The following GNB5 variants were observed in gnomAD, a reference collection of about 807,000 sequenced individuals.
The protein encoded by GNB5 is guanine nucleotide-binding protein subunit beta-5.
Under a neutral mutation model 55.3 loss-of-function variants are expected in GNB5, and 37 were observed. The observed-to-expected ratio is 0.67, with a 90% CI of 0.51 to 0.88. The LOEUF (loss-of-function observed/expected upper bound fraction) is 0.88. Among genes scored for constraint, GNB5 ranks in the 40% least tolerant of loss-of-function variants. The pLI is 0.00. For synonymous variants in GNB5, 219 were observed against 198.5 expected, an observed-to-expected ratio of 1.10 and a Z score of -0.87; for missense variants, 476 against 515.3, an observed-to-expected ratio of 0.92 and a Z score of 0.74.
chr15:52,126,071 C>G lies in GNB5; in HGVS notation c.913-27G>C, dbSNP rs149586528. 4,925 of 1,132,104 alleles carry G rather than the reference C, an allele frequency of 4.4e-3. 110 individuals are homozygous for G. Among genetic ancestry groups the G allele is most frequent in the Admixed American group, 0.04 (2,182 of 54,072 alleles). The allele number at this position is 1,132,104 out of a possible 1,614,324, so 70.1% of individuals were successfully genotyped here. ...TGGGGAGCAAATAAATAAAGAAGCA[C>G]TTACTTCTGGCTTCAGTTTGGTGAC... On this transcript the variant is annotated intron_variant, in intron 10 of 12. Coordinates refer to ENST00000261837, the MANE Select transcript of GNB5 (RefSeq NM_016194.4).
intron 3 of GNB5, among the ~76,000 whole-genome samples, chr15:52,158,990 T>A (rs1328245834): frequency 1.3e-5 from 2 of 152,192 alleles, no homozygotes; most frequent in Non-Finnish European, 2.9e-5. Context: ...TTTGGGGTGG[T>A]ATCTGAGCTC....
chr15:52,187,198 A>G (rs1391481583), intron 1 of GNB5, among the ~76,000 whole-genome samples: 3 of 152,186 alleles, frequency 2.0e-5, no homozygotes, highest in Non-Finnish European at 4.4e-5. Flanking sequence ...GGGGCTTGGT[A>G]ACTGTTGCAT....
In GNB5 at chr15:52,185,752, TTTTATTATTA is replaced by T. The variant is rs1199643075; in HGVS notation, c.-18-1068_-18-1059del. Among the ~76,000 whole-genome samples, 471 of 94,424 alleles carry T rather than the reference TTTTATTATTA, an allele frequency of 5.0e-3. 5 individuals are homozygous for T. The highest frequency in any genetic ancestry group is 0.018 in the African/African-American group (427 of 24,214). The allele number at this position is 94,424 out of a possible 152,430, so 61.9% of individuals were successfully genotyped here. On this transcript the variant is annotated intron_variant, in intron 1 of 12. Transcript: ENST00000261837. ...CCCACTTTGAGCTGTGTATTCATCT[TTTTATTATTA>T]TTATTATTATTATTATTATTATTAT...
chr15:52,136,375 T>C (rs896264174), intron 7 of GNB5, among the ~76,000 whole-genome samples: 3 of 152,208 alleles, frequency 2.0e-5, no homozygotes, highest in African/African-American at 7.2e-5. Flanking sequence ...GAGTCTCTAC[T>C]GAGTGTTTAA....
In GNB5 at chr15:52,122,597, G is replaced by A; in HGVS notation, c.*160C>T. 1 of 660,390 alleles carries A rather than the reference G, an allele frequency of 1.5e-6. No individual in the cohort carries two copies. Among genetic ancestry groups the A allele is most frequent in the Non-Finnish European group, 2.7e-6 (1 of 369,142 alleles). The allele number at this position is 660,390 out of a possible 1,614,324, so 40.9% of individuals were successfully genotyped here. A position where few individuals can be genotyped will look rare whatever the true frequency, so the allele number is the denominator to read the frequency against. ...CACTAGTGTATTTCCAGAGGTGACA[G>A]TTTTAATAGTCATATTGGAGACGCT... On this transcript the variant is annotated 3_prime_UTR_variant, in exon 13 of 13. Transcript: ENST00000261837.
chr15:52,149,529 A>C, intron 5 of GNB5: 1 of 559,588 alleles, frequency 1.8e-6, no homozygotes, highest in Non-Finnish European at 3.2e-6. Context: ...GGTCAAAGAG[A>C]GGGGAGAGAG....
rs954800502 is a variant in GNB5, at chr15:52,149,714, T to A, written c.417+170A>T. 11 of 699,092 alleles carry A rather than the reference T, an allele frequency of 1.6e-5. No individual in the cohort carries two copies. The African/African-American group carries it at 1.9e-4, about 12-fold the overall frequency. The allele number at this position is 699,092 out of a possible 1,614,324, so 43.3% of individuals were successfully genotyped here. A position where few individuals can be genotyped will look rare whatever the true frequency, so the allele number is the denominator to read the frequency against. ...GGAATAAATGCTGCAATGGGCTGGCTGAGCTGTTCAAACACGGATAGGCCT... is the reference window on the plus strand; with the variant it reads ...GGAATAAATGCTGCAATGGGCTGGCAGAGCTGTTCAAACACGGATAGGCCT... On this transcript the variant is annotated intron_variant, in intron 5 of 12. Transcript: ENST00000261837.
chr15:52,128,619 G>T, intron 9 of GNB5: 1 of 506,566 alleles, frequency 2.0e-6, no homozygotes, highest in African/African-American at 1.9e-5. Flanking sequence ...AGCCACATTG[G>T]ATGTCTGCAC....
intron 5 of GNB5, chr15:52,149,401 T>C (rs988376455): frequency 3.8e-6 from 1 of 260,010 alleles, no homozygotes; most frequent in Non-Finnish European, 7.3e-6. Flanking sequence ...GAGCTGTGCA[T>C]GCCCAAGCCA....
intron 1 of GNB5, among the ~76,000 whole-genome samples, chr15:52,185,882 G>T (rs557497344): frequency 6.6e-6 from 1 of 151,708 alleles, no homozygotes; most frequent in African/African-American, 2.4e-5. Context: ...GGGTTTAAGC[G>T]ATTTTCCTGC....
intron 7 of GNB5, chr15:52,139,735 T>G: frequency 1.8e-6 from 2 of 1,114,934 alleles, no homozygotes; most frequent in South Asian, 1.6e-5. Context: ...CCAGGCCGCG[T>G]CCCCGCCGAG....
At chr15:52,190,778 T>TAAAAAAAAAAAAAAAAAAAAAAAAA (rs58614125) in intron 1 of GNB5, among the ~76,000 whole-genome samples, 1 of 96,934 alleles carries the variant, frequency 1.0e-5, no homozygotes, top group African/African-American at 4.4e-5. Context: ...CTTATTTCCT[T>TAAAAAAAAAAAAAAAAAAAAAAAAA]AAAAAAAAAA....
At chr15:52,125,872 G>C (rs2033410617) in intron 11 of GNB5, 76 bp downstream of exon 11, 1 of 693,938 alleles carries the variant, frequency 1.4e-6, no homozygotes, top group African/African-American at 1.8e-5. Context: ...AAAAGGAACT[G>C]AGCGATGATG....
intron 1 of GNB5, among the ~76,000 whole-genome samples, chr15:52,186,411 T>A (rs1024301255): frequency 1.2e-4 from 18 of 152,322 alleles, no homozygotes; most frequent in African/African-American, 4.3e-4. Flanking sequence ...CTCTTCCTTT[T>A]AGGCCCACAA....
intron 6 of GNB5, among the ~76,000 whole-genome samples, chr15:52,146,006 G>C (rs2033968132): frequency 1.4e-5 from 2 of 147,500 alleles, no homozygotes; most frequent in South Asian, 2.2e-4. Flanking sequence ...CCCCAGGCTG[G>C]AGTGCAGTGG....
At chr15:52,191,171 T>C (rs1387436856) in intron 1 of GNB5, among the ~76,000 whole-genome samples, 151 bp downstream of exon 1, 1 of 124,212 alleles carries the variant, frequency 8.1e-6, no homozygotes, top group East Asian at 2.0e-4. Flanking sequence ...GTAGAAAAAT[T>C]AGATTCTACG....
chr15:52,136,521 C>G (rs903579454), intron 7 of GNB5, among the ~76,000 whole-genome samples: 2 of 152,148 alleles, frequency 1.3e-5, no homozygotes, highest in Admixed American at 6.5e-5. Context: ...TCACAGGCTC[C>G]CAGGGAATGC....
chr15:52,185,753 T>TTTTTATTA (rs1555409559), intron 1 of GNB5, among the ~76,000 whole-genome samples: 226 of 136,708 alleles, frequency 1.7e-3, no homozygotes, highest in African/African-American at 5.8e-3. Flanking sequence ...TATTCATCTT[T>TTTTTATTA]TTATTATTAT....
chr15:52,185,922 G>C (rs539878006), intron 1 of GNB5, among the ~76,000 whole-genome samples: 2 of 151,998 alleles, frequency 1.3e-5, no homozygotes, highest in Non-Finnish European at 2.9e-5. Context: ...GGGATTACAG[G>C]CATAAGACAC....
Sources: allele counts gnomAD v4.1 joint callset (sites outside exome capture counted in the v4.1 genomes callset), GRCh38; gene constraint gnomAD v4.1.1; transcripts MANE v1.5; gene names NCBI Gene and HGNC (gene_info 2026-07-23, HGNC 2026-07-21).